Variants in PCMT1 observed in about 807,000 individuals in gnomAD.
PCMT1 encodes protein-L-isoaspartate(D-aspartate) O-methyltransferase.
In PCMT1, 9 loss-of-function variants were observed where a neutral mutation model predicts 29.2. That is an observed-to-expected ratio of 0.31 (90% CI 0.19 to 0.54). PCMT1 has a LOEUF of 0.54. PCMT1 is among the 20% of genes least tolerant of loss of function. The pLI is 0.95. For missense variants in PCMT1, 184 were observed against 282.2 expected, an observed-to-expected ratio of 0.65 and a Z score of 2.49; for synonymous variants, 98 against 97.5, an observed-to-expected ratio of 1.00 and a Z score of -0.03.
intron 5 of PCMT1, among the ~76,000 whole-genome samples, chr6:149,794,479 G>C (rs1028387148): frequency 6.6e-6 from 1 of 152,104 alleles, no homozygotes; most frequent in South Asian, 2.1e-4. Flanking sequence ...TAAGCTGGGC[G>C]TGGTGGCGCA....
chr6:149,774,686 C>T (rs540667628), intron 3 of PCMT1, among the ~76,000 whole-genome samples: 102 of 150,674 alleles, frequency 6.8e-4, no homozygotes, highest in African/African-American at 2.1e-3. Context: ...TACAGGCACC[C>T]GCCACCACAC....
rs1776141749 is a variant in PCMT1 at position 149,810,911 on chromosome 6, T to G, written c.*333T>G. ...AAAGGGTTCTGTAAAATGGAAAACT[T>G]AGTTTGTGAATTGATTTTGAGGAGT... is the stretch of plus-strand genomic sequence containing the variant. On this transcript the variant is annotated 3_prime_UTR_variant, in exon 8 of 8. Transcript: ENST00000464889. 3.1e-6 allele frequency: 1 copy of G among 326,280 alleles called. No individual in the cohort carries two copies. The highest frequency in any genetic ancestry group is 5.5e-6 in the Non-Finnish European group (1 of 180,242). The allele number at this position is 326,280 out of a possible 1,614,324, so 20.2% of individuals were successfully genotyped here.
chr6:149,762,520 TATATATATCTATGATATATATATCTATG>T lies in PCMT1; in HGVS notation c.56-8633_56-8606del, dbSNP rs1380241931. ...CTATGATATATATATATATCTATGA[TATATATATCTATGATATATATATCTATG>T]ATATATATATATCTATGATATATAT... On this transcript the variant is annotated intron_variant, in intron 1 of 7. Transcript: ENST00000464889. Among the ~76,000 whole-genome samples the T allele has an allele frequency of 3.4e-4, 10 of 28,994 alleles. 3 individuals carry two copies. The highest frequency in any genetic ancestry group is 0.017 in the East Asian group (2 of 116). The allele number at this position is 28,994 out of a possible 152,430, so 19.0% of individuals were successfully genotyped here.
Position 149,758,999 on chromosome 6 carries a change from C to T in PCMT1, c.55+9043C>T, listed in dbSNP as rs191001589. 2.4e-3 allele frequency among the ~76,000 whole-genome samples: 362 copies of T among 152,228 alleles called. 4 individuals carry two copies. The highest frequency in any genetic ancestry group is 1.4e-3 in the Non-Finnish European group (97 of 68,024). On this transcript the variant is annotated intron_variant, in intron 1 of 7. Coordinates refer to ENST00000464889, the MANE Select transcript of PCMT1 (RefSeq NM_001360452.2). ...TCAAGTGATTCTCCTACCTCAGCCT[C>T]CCGAATAGCTGGGATTACAGGCACA...
chr6:149,757,777 A>G (rs1189326488), intron 1 of PCMT1, among the ~76,000 whole-genome samples: 1 of 152,236 alleles, frequency 6.6e-6, no homozygotes, highest in East Asian at 1.9e-4. Context: ...GGATTTTGTC[A>G]TCAGATTTGA....
At chr6:149,808,697 C>T (rs924094416) in intron 7 of PCMT1, among the ~76,000 whole-genome samples, 7 of 151,806 alleles carry the variant, frequency 4.6e-5, no homozygotes, top group African/African-American at 7.3e-5. Flanking sequence ...AGTGCAGTGG[C>T]GTGATCTCAG....
At chr6:149,794,861 C>T (rs569184317) in intron 5 of PCMT1, 2 of 487,364 alleles carry the variant, frequency 4.1e-6, no homozygotes, top group Non-Finnish European at 8.3e-6. Flanking sequence ...GGATTCATCT[C>T]ATGAAAGAAC....
In PCMT1 at chr6:149,796,510, G is replaced by A. The variant is rs767679493; in HGVS notation, c.504+10G>A. The A allele has an allele frequency of 3.1e-6, 5 of 1,600,812 alleles. No individual in the cohort carries two copies. Among genetic ancestry groups the A allele is most frequent in the African/African-American group, 1.3e-5 (1 of 74,334 alleles). On this transcript the variant is annotated intron_variant, in intron 6 of 7. Coordinates refer to ENST00000464889, the MANE Select transcript of PCMT1 (RefSeq NM_001360452.2). ...TGTTGTACCCCAGGCGGTGAGTCGGGATTTTTTCTGTTTGTGTGTTTTTAT... is the reference window on the plus strand; with the variant it reads ...TGTTGTACCCCAGGCGGTGAGTCGGAATTTTTTCTGTTTGTGTGTTTTTAT...
Position 149,750,030 on chromosome 6 carries a change from G to A in PCMT1, c.55+74G>A, listed in dbSNP as rs1302772903. 4 of 1,503,470 alleles carry A rather than the reference G, an allele frequency of 2.7e-6. No individual in the cohort carries two copies. The African/African-American group carries it at 4.2e-5, about 16-fold the overall frequency. 93.1% of individuals were successfully genotyped at this position (1,503,470 alleles called of 1,614,324 possible). A position where few individuals can be genotyped will look rare whatever the true frequency, so the allele number is the denominator to read the frequency against. On this transcript the variant is annotated intron_variant, in intron 1 of 7. Transcript: ENST00000464889. ...TGGACCGGGTCCCCCTGGGCCGTCC[G>A]GAACGTTCTGTCTGTCCCCGCGCGC...
In PCMT1 at chr6:149,802,394, C is replaced by G; in HGVS notation, c.*15C>G. ...GGTGGAAGTGATTTTATCTTCTGCTCTTTCTTCTTCCACACATGCAAGGTG... is the reference window on the plus strand; with the variant it reads ...GGTGGAAGTGATTTTATCTTCTGCTGTTTCTTCTTCCACACATGCAAGGTG... On this transcript the variant is annotated 3_prime_UTR_variant, in exon 7 of 8. Coordinates refer to ENST00000464889, the MANE Select transcript of PCMT1 (RefSeq NM_001360452.2). 1 of 1,594,008 alleles carries G rather than the reference C, an allele frequency of 6.3e-7. No individual in the cohort carries two copies. Among genetic ancestry groups the G allele is most frequent in the Non-Finnish European group, 8.6e-7 (1 of 1,167,916 alleles).
At chr6:149,809,258 C>CAAAAAAAAAAAAAAA (rs1209712068) in intron 7 of PCMT1, among the ~76,000 whole-genome samples, 1 of 47,094 alleles carries the variant, frequency 2.1e-5, no homozygotes, top group African/African-American at 8.4e-5. Flanking sequence ...GACTCTGTCT[C>CAAAAAAAAAAAAAAA]AAAAAAAAAA....
At position 149,790,040 on chromosome 6, in the gene PCMT1, T is replaced by A; in HGVS notation, c.279T>A (p.Thr93=). 6.2e-7 allele frequency: 1 copy of A among 1,602,446 alleles called. No homozygotes were observed. The highest frequency in any genetic ancestry group is 1.3e-5 in the African/African-American group (1 of 74,700). The change falls in exon 4 of 8, where the codon ACT becomes ACA. Residue 93 remains threonine (T), a synonymous_variant. Coordinates refer to ENST00000464889, the MANE Select transcript of PCMT1 (RefSeq NM_001360452.2). Reference sequence around the variant, plus strand: ...TAGGATCTGGAAGTGGAATCCTTACTGCATGTTTTGCACGTATGGTAAGAG... The same window carrying A: ...TAGGATCTGGAAGTGGAATCCTTACAGCATGTTTTGCACGTATGGTAAGAG... ...LDVGSGSGIL[T]ACFARMVGCT...
chr6:149,807,105 A>G (rs984255834), intron 7 of PCMT1, among the ~76,000 whole-genome samples: 37 of 152,278 alleles, frequency 2.4e-4, no homozygotes, highest in African/African-American at 8.7e-4. Flanking sequence ...TACCAAGTAA[A>G]GATCCAAACT....
chr6:149,787,692 C>A (rs560445578), intron 3 of PCMT1, among the ~76,000 whole-genome samples: 2 of 151,948 alleles, frequency 1.3e-5, no homozygotes, highest in Admixed American at 1.3e-4. Flanking sequence ...GACATAATTT[C>A]TGACTTACAG....
At chr6:149,787,252 TCAGAGGGAGACCGTGGAAA>T (rs1248370752) in intron 3 of PCMT1, among the ~76,000 whole-genome samples, 1 of 101,682 alleles carries the variant, frequency 9.8e-6, no homozygotes, top group Non-Finnish European at 2.1e-5. Context: ...CGGCTCGGCA[TCAGAGGGAGACCGTGGAAA>T]GAGAGGGAGA....
At chr6:149,758,030 C>A (rs950581125) in intron 1 of PCMT1, among the ~76,000 whole-genome samples, 5 of 151,644 alleles carry the variant, frequency 3.3e-5, no homozygotes, top group Non-Finnish European at 7.4e-5. Context: ...CTTACAGGCA[C>A]GTGCCACCAT....
chr6:149,782,875 G>T (rs896920434), intron 3 of PCMT1, among the ~76,000 whole-genome samples: 12 of 152,094 alleles, frequency 7.9e-5, no homozygotes. Flanking sequence ...TCAGTATTTT[G>T]GCTGGGTGCA....
intron 1 of PCMT1, among the ~76,000 whole-genome samples, chr6:149,763,415 AAAT>A (rs1354839598): frequency 6.6e-6 from 1 of 151,644 alleles, no homozygotes; most frequent in Non-Finnish European, 1.5e-5. Context: ...GGGCAAAAAT[AAAT>A]AATAAGAAAC....
At chr6:149,762,503 T>TATATATCTATCTATG (rs1433255202) in intron 1 of PCMT1, among the ~76,000 whole-genome samples, 2 of 82,932 alleles carry the variant, frequency 2.4e-5, no homozygotes, top group African/African-American at 6.9e-5. Flanking sequence ...ATCTATGATA[T>TATATATCTATCTATG]ATATATATAT....
Sources: gnomAD v4.1 joint callset for allele counts (sites outside exome capture counted in the v4.1 genomes callset) on GRCh38, gnomAD v4.1.1 for gene constraint, MANE v1.5 for transcripts, NCBI Gene and HGNC (gene_info 2026-07-23, HGNC 2026-07-21) for gene names.